NKAIN2: variants seen among roughly 807,000 people sequenced by gnomAD.
NKAIN2 encodes the protein sodium/potassium-transporting ATPase subunit beta-1-interacting protein 2.
A neutral mutation model predicts 32.6 loss-of-function variants in NKAIN2; 14 were observed. The observed-to-expected ratio is 0.43, with a 90% confidence interval of 0.28 to 0.67. The LOEUF (loss-of-function observed/expected upper bound fraction) is 0.67, where lower values mean the gene tolerates loss of function less well. NKAIN2 is among the 30% of genes least tolerant of loss of function. The pLI is 0.17. For synonymous variants in NKAIN2, 80 were observed against 87.2 expected (o/e 0.92, Z 0.46); for missense variants, 198 against 258.3 (o/e 0.77, Z 1.60).
At chr6:124,392,645 C>T (rs1443441964) in intron 3 of NKAIN2, among the ~76,000 whole-genome samples, 1 of 151,978 alleles carries the variant, frequency 6.6e-6, no homozygotes, top group Non-Finnish European at 1.5e-5. Flanking sequence ...TTGGTTATTT[C>T]GTAGTTTTGT....
chr6:123,984,700 T>C (rs1779053759), intron 1 of NKAIN2, among the ~76,000 whole-genome samples: 1 of 152,118 alleles, frequency 6.6e-6, no homozygotes, highest in South Asian at 2.1e-4. Context: ...TTTTATCAAC[T>C]CAATAGATGA....
intron 1 of NKAIN2, among the ~76,000 whole-genome samples, chr6:123,953,676 C>G (rs1777429977): frequency 6.6e-6 from 1 of 152,106 alleles, no homozygotes; most frequent in African/African-American, 2.4e-5. Flanking sequence ...CCCTAGAACC[C>G]CAGTCAGCAT....
At chr6:123,830,938 T>C (rs1582610843) in intron 1 of NKAIN2, among the ~76,000 whole-genome samples, 2 of 152,216 alleles carry the variant, frequency 1.3e-5, no homozygotes, top group African/African-American at 4.8e-5. Flanking sequence ...TCTGCAGGTT[T>C]GTAGAGATAT....
intron 1 of NKAIN2, among the ~76,000 whole-genome samples, chr6:124,269,498 A>T (rs1336480068): frequency 1.6e-5 from 2 of 125,198 alleles, no homozygotes. Context: ...ACATAGTTTC[A>T]CTCTTGTCAC....
intron 1 of NKAIN2, among the ~76,000 whole-genome samples, chr6:124,139,211 C>T (rs1787013775): frequency 6.7e-6 from 1 of 148,674 alleles, no homozygotes; most frequent in Non-Finnish European, 1.5e-5. Context: ...GCCTCAGCCT[C>T]CCCAGTAGCT....
chr6:123,997,238 T>C (rs1779656570), intron 1 of NKAIN2, among the ~76,000 whole-genome samples: 1 of 152,236 alleles, frequency 6.6e-6, no homozygotes, highest in African/African-American at 2.4e-5. Context: ...TTAAATACAA[T>C]CTGTTTCAAG....
At chr6:124,224,558 C>A (rs1792008423) in intron 1 of NKAIN2, among the ~76,000 whole-genome samples, 1 of 152,002 alleles carries the variant, frequency 6.6e-6, no homozygotes, top group South Asian at 2.1e-4. Flanking sequence ...CTGTTCTGGA[C>A]AAAAATCATT....
At chr6:124,616,191 C>T (rs1782880839) in intron 3 of NKAIN2, among the ~76,000 whole-genome samples, 1 of 152,038 alleles carries the variant, frequency 6.6e-6, no homozygotes, top group Admixed American at 6.6e-5. Context: ...CTACATGCAG[C>T]ATTCCCTTCT....
chr6:124,696,253 G>A (rs1774489443), intron 4 of NKAIN2, among the ~76,000 whole-genome samples: 1 of 152,096 alleles, frequency 6.6e-6, no homozygotes, highest in South Asian at 2.1e-4. Context: ...GAATCACTTT[G>A]CATGCGAATG....
chr6:123,812,770 T>C (rs545948055), intron 1 of NKAIN2, among the ~76,000 whole-genome samples: 1 of 152,216 alleles, frequency 6.6e-6, no homozygotes, highest in Non-Finnish European at 1.5e-5. Flanking sequence ...CTGACTTTTG[T>C]TTTTTAATCA....
chr6:124,752,326 C>G (rs1409340815), intron 4 of NKAIN2, among the ~76,000 whole-genome samples: 1 of 151,942 alleles, frequency 6.6e-6, no homozygotes, highest in African/African-American at 2.4e-5. Flanking sequence ...TCACATTTAT[C>G]CAAAGCTCTT....
intron 1 of NKAIN2, among the ~76,000 whole-genome samples, chr6:124,270,891 G>GT (rs1794730231): frequency 6.6e-6 from 1 of 152,086 alleles, no homozygotes; most frequent in Non-Finnish European, 1.5e-5. Flanking sequence ...GGCCTTCTTG[G>GT]GTGTTTTGAA....
chr6:123,837,410 C>T (rs1774676317), intron 1 of NKAIN2, among the ~76,000 whole-genome samples: 1 of 152,030 alleles, frequency 6.6e-6, no homozygotes. Flanking sequence ...AAATGGTACT[C>T]ATCCTTGACA....
intron 6 of NKAIN2, among the ~76,000 whole-genome samples, chr6:124,822,755 C>T (rs1397842395): frequency 1.3e-5 from 2 of 151,960 alleles, no homozygotes; most frequent in Non-Finnish European, 2.9e-5. Flanking sequence ...TGTCTGCGTG[C>T]TCCAGCCCCG....
intron 1 of NKAIN2, among the ~76,000 whole-genome samples, chr6:124,010,162 A>C (rs1780260568): frequency 6.6e-6 from 1 of 152,092 alleles, no homozygotes; most frequent in Non-Finnish European, 1.5e-5. Flanking sequence ...TCCAGGGTGG[A>C]CCACTCCCAT....
intron 4 of NKAIN2, among the ~76,000 whole-genome samples, chr6:124,685,026 G>T (rs1302209416): frequency 2.6e-5 from 4 of 152,084 alleles, no homozygotes; most frequent in Admixed American, 6.6e-5. Flanking sequence ...GGTAAGGTTA[G>T]TTACTTTATA....
At chr6:124,360,145 C>CT (rs1799214010) in intron 3 of NKAIN2, among the ~76,000 whole-genome samples, 1 of 152,060 alleles carries the variant, frequency 6.6e-6, no homozygotes. Flanking sequence ...GGTGGATAAG[C>CT]TTTTTGATGT....
chr6:124,208,789 G>A (rs980985125), intron 1 of NKAIN2, among the ~76,000 whole-genome samples: 9 of 150,498 alleles, frequency 6.0e-5, no homozygotes, highest in African/African-American at 2.2e-4. Flanking sequence ...TAATTATTTT[G>A]TTTTTCTATG....
chr6:124,818,605 G>T, intron 6 of NKAIN2, 137 bp downstream of exon 6: 1 of 436,410 alleles, frequency 2.3e-6, no homozygotes, highest in Non-Finnish European at 4.1e-6. Flanking sequence ...TATTGTCTTG[G>T]CTGGGATAAT....
Sources: allele counts gnomAD v4.1 joint callset (sites outside exome capture counted in the v4.1 genomes callset), GRCh38; gene constraint gnomAD v4.1.1; transcripts MANE v1.5; gene names NCBI Gene and HGNC (gene_info 2026-07-23, HGNC 2026-07-21).